Variants in RNF138 observed in about 807,000 individuals in gnomAD.
The protein encoded by RNF138 is E3 ubiquitin-protein ligase RNF138.
In RNF138, 12 loss-of-function variants were observed where a neutral mutation model predicts 31.0. The ratio of observed to expected loss-of-function variants is 0.39; its 90% CI spans 0.25 to 0.63. The LOEUF (loss-of-function observed/expected upper bound fraction) is 0.63, where lower values mean the gene tolerates loss of function less well. Among genes scored for constraint, RNF138 ranks in the 20% least tolerant of loss-of-function variants. The probability of loss-of-function intolerance (pLI) is 0.52; values close to 1 mark genes in which losing one functional copy is unlikely to be tolerated. For synonymous variants in RNF138, 105 were observed against 99.5 expected (o/e 1.06, Z -0.33); for missense variants, 192 against 300.1 (o/e 0.64, Z 2.66).
At chr18:32,102,905 A>G (rs1321038323) in intron 2 of RNF138, among the ~76,000 whole-genome samples, 1 of 152,156 alleles carries the variant, frequency 6.6e-6, no homozygotes, top group Non-Finnish European at 1.5e-5. Flanking sequence ...TGTAGGGATT[A>G]CAGGTGTGAG....
chr18:32,116,066 T>C (rs2040212287), intron 4 of RNF138, among the ~76,000 whole-genome samples: 1 of 152,206 alleles, frequency 6.6e-6, no homozygotes, highest in Non-Finnish European at 1.5e-5. Flanking sequence ...GAGGCGATGA[T>C]GATGATAGGT....
Position 32,131,510 on chromosome 18 carries a change from T to G in RNF138, c.*2323T>G, listed in dbSNP as rs987584136. On this transcript the variant is annotated 3_prime_UTR_variant, in exon 8 of 8. Transcript: ENST00000261593. ...TTACAGTTTTATTGTTAAAACAGAG[T>G]CTTATTTGAGATGTATTGCTTTATT... The G allele has an allele frequency of 3.3e-5, 5 of 152,242 alleles. No individual in the cohort carries two copies. The highest frequency in any genetic ancestry group is 1.2e-4 in the African/African-American group (5 of 41,544). The allele number at this position is 152,242 out of a possible 1,614,324, so 9.4% of individuals were successfully genotyped here. A position where few individuals can be genotyped will look rare whatever the true frequency, so the allele number is the denominator to read the frequency against.
chr18:32,108,824 G>A lies in RNF138; in HGVS notation c.111-2930G>A, dbSNP rs530265026. Among the ~76,000 whole-genome samples, 802 of 151,780 alleles carry A rather than the reference G, an allele frequency of 5.3e-3. 11 individuals are homozygous for A. Among genetic ancestry groups the A allele is most frequent in the Non-Finnish European group, 8.7e-3 (593 of 67,906 alleles). On this transcript the variant is annotated intron_variant, in intron 2 of 7. Coordinates refer to ENST00000261593, the MANE Select transcript of RNF138 (RefSeq NM_016271.5). ...GCTAGGACTACAGGCATGCACCACC[G>A]TGCCCAGCTAATTTTTTATTTTTAT...
At chr18:32,099,553 C>T (rs1432176209) in intron 2 of RNF138, among the ~76,000 whole-genome samples, 4 of 152,130 alleles carry the variant, frequency 2.6e-5, no homozygotes, top group Admixed American at 6.5e-5. Flanking sequence ...CAGGCATGCA[C>T]CACTATACCC....
intron 4 of RNF138, among the ~76,000 whole-genome samples, chr18:32,114,681 C>G (rs775197762): frequency 2.6e-5 from 4 of 152,154 alleles, no homozygotes; most frequent in Non-Finnish European, 5.9e-5. Context: ...TAAGCACATA[C>G]GTAACTGTAA....
At chr18:32,124,183 GAT>G (rs755473367) in intron 5 of RNF138, 1 of 152,970 alleles carries the variant, frequency 6.5e-6, no homozygotes, top group South Asian at 2.0e-4. Context: ...AAAACTCAGT[GAT>G]GCTTGATCCT....
At position 32,114,776 on chromosome 18, in the gene RNF138, T is replaced by C. The variant is rs548697883; in HGVS notation, c.392+916T>C. Among the ~76,000 whole-genome samples, 3 of 152,334 alleles carry C rather than the reference T, an allele frequency of 2.0e-5. No homozygotes were observed. In the South Asian group the frequency reaches 6.2e-4, roughly 32 times the overall value. On this transcript the variant is annotated intron_variant, in intron 4 of 7. Coordinates refer to ENST00000261593, the MANE Select transcript of RNF138 (RefSeq NM_016271.5). ...CTCTAATATTTTATTTTAGTAGCCT[T>C]TCATTTTACATATTGCTAATTTTTA...
At position 32,092,609 on chromosome 18, in the gene RNF138, C is replaced by A. The variant is rs896829983; in HGVS notation, c.-77-91C>A. On this transcript the variant is annotated intron_variant, in intron 1 of 7. Transcript: ENST00000261593. ...GGCGCGTGCGGCAGTAGCGTCTCTG[C>A]GTTCGGCCCCGCCCTACCCAGGGCC... is the stretch of plus-strand genomic sequence containing the variant. The A allele has an allele frequency of 2.0e-5, 12 of 595,466 alleles. No homozygotes were observed. In the Admixed American group the frequency reaches 3.2e-4, roughly 16 times the overall value. The allele number at this position is 595,466 out of a possible 1,614,324, so 36.9% of individuals were successfully genotyped here.
intron 2 of RNF138, among the ~76,000 whole-genome samples, chr18:32,098,541 T>C (rs2039855735): frequency 8.7e-6 from 1 of 114,884 alleles, no homozygotes; most frequent in Admixed American, 1.1e-4. Flanking sequence ...TCCTAAAATC[T>C]GTGCTATTTA....
At chr18:32,116,986 C>T (rs193238873) in intron 4 of RNF138, among the ~76,000 whole-genome samples, 2 of 152,290 alleles carry the variant, frequency 1.3e-5, no homozygotes, top group African/African-American at 2.4e-5. Flanking sequence ...ACTACAACAT[C>T]GACCTCCCAG....
intron 2 of RNF138, among the ~76,000 whole-genome samples, chr18:32,097,977 T>TC (rs763759065): frequency 2.0e-5 from 1 of 49,704 alleles, no homozygotes; most frequent in African/African-American, 7.3e-5. Context: ...TGTGTGTGTG[T>TC]TATTTTTGTT....
At position 32,131,432 on chromosome 18, in the gene RNF138, A is replaced by C. The variant is rs550829938; in HGVS notation, c.*2245A>C. On this transcript the variant is annotated 3_prime_UTR_variant, in exon 8 of 8. Transcript: ENST00000261593. ...AGAATTAAAGGAGGGAATTGTATTGATACTCCAATACCTAAATTTCACAAT... is the reference window on the plus strand; with the variant it reads ...AGAATTAAAGGAGGGAATTGTATTGCTACTCCAATACCTAAATTTCACAAT... 1 of 152,180 alleles carries C rather than the reference A, an allele frequency of 6.6e-6. No homozygotes were observed. Among genetic ancestry groups the C allele is most frequent in the Non-Finnish European group, 1.5e-5 (1 of 68,000 alleles). The allele number at this position is 152,180 out of a possible 1,614,324, so 9.4% of individuals were successfully genotyped here.
rs542584389 is a variant in RNF138, at chr18:32,130,641, T to C, written c.*1454T>C. 6.6e-6 allele frequency: 1 copy of C among 152,614 alleles called. No individual in the cohort carries two copies. Among genetic ancestry groups the C allele is most frequent in the South Asian group, 2.1e-4 (1 of 4,832 alleles). The allele number at this position is 152,614 out of a possible 1,614,324, so 9.5% of individuals were successfully genotyped here. ...ATTGTATAAAAAGGTATATTTTGGT[T>C]TTGTTAAAACCCTTGTTGACTTTTC... is the stretch of plus-strand genomic sequence containing the variant. On this transcript the variant is annotated 3_prime_UTR_variant, in exon 8 of 8. Coordinates refer to ENST00000261593, the MANE Select transcript of RNF138 (RefSeq NM_016271.5).
chr18:32,126,476 A>G (rs866604626), intron 6 of RNF138, among the ~76,000 whole-genome samples: 2 of 152,208 alleles, frequency 1.3e-5, no homozygotes, highest in Non-Finnish European at 2.9e-5. Context: ...AAGAGATTTA[A>G]GGAATAGAAT....
At position 32,100,946 on chromosome 18, in the gene RNF138, G is replaced by A. The variant is rs147837226; in HGVS notation, c.110+8060G>A. Among the ~76,000 whole-genome samples, 12 of 152,248 alleles carry A rather than the reference G, an allele frequency of 7.9e-5. No individual in the cohort carries two copies. In the East Asian group the frequency reaches 1.9e-3, roughly 25 times the overall value. ...TAAAATAAATGCTCAGAAAAATGGTGTAATTACAAATGTATAGGTTTCGAG... is the reference window on the plus strand; with the variant it reads ...TAAAATAAATGCTCAGAAAAATGGTATAATTACAAATGTATAGGTTTCGAG... On this transcript the variant is annotated intron_variant, in intron 2 of 7. Transcript: ENST00000261593.
intron 4 of RNF138, among the ~76,000 whole-genome samples, chr18:32,114,812 C>T (rs971922258): frequency 3.3e-5 from 5 of 152,056 alleles, no homozygotes; most frequent in East Asian, 3.8e-4. Flanking sequence ...GTAACTTAAC[C>T]GCCCTTAAGC....
At chr18:32,092,624 T>C (rs1211596242) in intron 1 of RNF138, 76 bp from the exon 2 acceptor site, 4 of 630,170 alleles carry the variant, frequency 6.3e-6, no homozygotes, top group South Asian at 1.7e-5. Context: ...GGCCCCGCCC[T>C]ACCCAGGGCC....
chr18:32,116,534 A>G (rs999536602), intron 4 of RNF138, among the ~76,000 whole-genome samples: 1 of 148,532 alleles, frequency 6.7e-6, no homozygotes, highest in Admixed American at 6.7e-5. Flanking sequence ...TTTTTTTTAA[A>G]TTTTTAAATT....
intron 2 of RNF138, among the ~76,000 whole-genome samples, chr18:32,094,595 AC>A (rs2039771212): frequency 6.6e-6 from 1 of 151,836 alleles, no homozygotes; most frequent in South Asian, 2.1e-4. Flanking sequence ...TCAGCACATT[AC>A]CCATCTGACA....
Sources: gnomAD v4.1 joint callset for allele counts (sites outside exome capture counted in the v4.1 genomes callset) on GRCh38, gnomAD v4.1.1 for gene constraint, MANE v1.5 for transcripts, NCBI Gene and HGNC (gene_info 2026-07-23, HGNC 2026-07-21) for gene names.